The following CNTN4 variants were observed in gnomAD, a reference collection of about 807,000 sequenced individuals.
CNTN4 encodes contactin 4.
CNTN4 carries 77 observed loss-of-function variants against 122.5 expected under a neutral mutation model. The observed-to-expected ratio is 0.63, with a 90% CI of 0.52 to 0.76. The LOEUF (loss-of-function observed/expected upper bound fraction) is 0.76, where lower values mean the gene tolerates loss of function less well. CNTN4 is among the 30% of genes least tolerant of loss of function. The pLI, the probability that CNTN4 is intolerant of heterozygous loss-of-function variation, is 0.00. For synonymous variants in CNTN4, 512 were observed against 447.0 expected, an observed-to-expected ratio of 1.15 and a Z score of -1.83; for missense variants, 1,256 against 1,259.1, an observed-to-expected ratio of 1.00 and a Z score of 0.04.
At chr3:2,416,931 C>G (rs552517577) in intron 3 of CNTN4, among the ~76,000 whole-genome samples, 30 of 151,782 alleles carry the variant, frequency 2.0e-4, no homozygotes, top group African/African-American at 6.8e-4. Context: ...TGGGATTACA[C>G]GCGTGAGCCA....
intron 4 of CNTN4, among the ~76,000 whole-genome samples, chr3:2,718,501 T>C (rs911977113): frequency 6.6e-6 from 1 of 152,196 alleles, no homozygotes; most frequent in African/African-American, 2.4e-5. Context: ...TGATAAAGAA[T>C]GGTTGGTTTT....
At chr3:2,566,555 C>T (rs2079167682) in intron 3 of CNTN4, among the ~76,000 whole-genome samples, 1 of 152,150 alleles carries the variant, frequency 6.6e-6, no homozygotes, top group Non-Finnish European at 1.5e-5. Flanking sequence ...AAATGTCAAT[C>T]AAGAATACAA....
intron 6 of CNTN4, among the ~76,000 whole-genome samples, chr3:2,802,596 C>A (rs532349778): frequency 6.6e-5 from 10 of 152,264 alleles, no homozygotes; most frequent in African/African-American, 2.4e-4. Context: ...TGTCTTCAAA[C>A]AGAAACAAGT....
chr3:2,170,137 C>T (rs949919612), intron 2 of CNTN4, among the ~76,000 whole-genome samples: 14 of 151,354 alleles, frequency 9.2e-5, no homozygotes, highest in Non-Finnish European at 1.3e-4. Flanking sequence ...CTGGCTAACA[C>T]GGTGAAACCC....
rs184792558 is a variant in CNTN4 at position 2,192,173 on chromosome 3, A to G, written c.-145+91534A>G. 2.8e-3 allele frequency among the ~76,000 whole-genome samples: 427 copies of G among 152,274 alleles called. 1 individual carries two copies. Among genetic ancestry groups the G allele is most frequent in the Non-Finnish European group, 4.7e-3 (318 of 68,034 alleles). On this transcript the variant is annotated intron_variant, in intron 2 of 24. Coordinates refer to ENST00000418658, the MANE Select transcript of CNTN4 (RefSeq NM_175607.3). ...GTTCCAAGTCTTTGCTATTGTGAAT[A>G]GTGCCACAGTAAACATACGTGTGCA...
chr3:2,744,025 A>T (rs2089615915), intron 5 of CNTN4, among the ~76,000 whole-genome samples: 1 of 152,138 alleles, frequency 6.6e-6, no homozygotes, highest in African/African-American at 2.4e-5. Context: ...ATGTTGCCCA[A>T]GCTATTCTCA....
At chr3:2,499,522 TA>T (rs568497644) in intron 3 of CNTN4, among the ~76,000 whole-genome samples, 9 of 152,160 alleles carry the variant, frequency 5.9e-5, no homozygotes, top group Non-Finnish European at 1.3e-4. Flanking sequence ...ATAAAACTGT[TA>T]TTTTTTTAAA....
intron 3 of CNTN4, among the ~76,000 whole-genome samples, chr3:2,530,457 C>T (rs572094294): frequency 3.9e-4 from 59 of 151,834 alleles, no homozygotes; most frequent in Admixed American, 1.4e-3. Context: ...TACAGATGCG[C>T]GCCACCATGC....
rs560817998 is a variant in CNTN4 at position 2,955,487 on chromosome 3, T to A, written c.1358+29708T>A. 2.6e-5 allele frequency among the ~76,000 whole-genome samples: 4 copies of A among 152,276 alleles called. No homozygotes were observed. In the East Asian group the frequency reaches 7.7e-4, roughly 29 times the overall value. On this transcript the variant is annotated intron_variant, in intron 13 of 24. Transcript: ENST00000418658. ...AAATGGCTGCAGCAGCTCTAGACAT[T>A]AAATATTCAGATATTCAATTCCAGA...
At chr3:2,972,649 A>G (rs902097387) in intron 13 of CNTN4, among the ~76,000 whole-genome samples, 1 of 152,132 alleles carries the variant, frequency 6.6e-6, no homozygotes, top group African/African-American at 2.4e-5. Context: ...TAGTTATACA[A>G]AAGCCCCATT....
chr3:2,559,255 A>G (rs2149411518), intron 3 of CNTN4, among the ~76,000 whole-genome samples: 1 of 152,344 alleles, frequency 6.6e-6, no homozygotes, highest in Admixed American at 6.5e-5. Flanking sequence ...CTGATAATGA[A>G]GTACCCCACC....
chr3:2,869,754 C>T (rs2093764174), intron 8 of CNTN4, among the ~76,000 whole-genome samples: 1 of 152,136 alleles, frequency 6.6e-6, no homozygotes, highest in Non-Finnish European at 1.5e-5. Flanking sequence ...CAGCACGGTG[C>T]TTGCCACATG....
At chr3:2,635,669 C>T (rs1337650695) in intron 4 of CNTN4, among the ~76,000 whole-genome samples, 1 of 152,148 alleles carries the variant, frequency 6.6e-6, no homozygotes, top group Non-Finnish European at 1.5e-5. Context: ...CTTTTTCTGG[C>T]CATGTTCAGA....
intron 4 of CNTN4, among the ~76,000 whole-genome samples, chr3:2,705,183 A>G (rs1382800852): frequency 1.3e-5 from 2 of 151,182 alleles, no homozygotes; most frequent in Admixed American, 6.6e-5. Context: ...CCTGGCTAAC[A>G]TGGTGAAACC....
chr3:2,931,153 C>G (rs370720190), intron 13 of CNTN4, among the ~76,000 whole-genome samples: 3 of 152,196 alleles, frequency 2.0e-5, no homozygotes, highest in East Asian at 3.9e-4. Flanking sequence ...GAGGGCAATT[C>G]CAGGTAGCAG....
intron 12 of CNTN4, among the ~76,000 whole-genome samples, chr3:2,919,193 A>AAAAC (rs2094401505): frequency 6.6e-6 from 1 of 151,160 alleles, no homozygotes; most frequent in Non-Finnish European, 1.5e-5. Context: ...AAAATACAAA[A>AAAAC]AAAAAAAAAA....
chr3:2,867,853 G>A (rs562186618), intron 8 of CNTN4, among the ~76,000 whole-genome samples: 1 of 152,104 alleles, frequency 6.6e-6, no homozygotes, highest in South Asian at 2.1e-4. Context: ...CTAGCAATTT[G>A]CCTTTTTAAA....
intron 6 of CNTN4, among the ~76,000 whole-genome samples, chr3:2,817,596 G>A (rs1305761187): frequency 6.6e-6 from 1 of 152,152 alleles, no homozygotes; most frequent in Admixed American, 6.5e-5. Flanking sequence ...AAAAATCATT[G>A]CCCATATTTC....
At chr3:2,191,822 T>G (rs2037569772) in intron 2 of CNTN4, among the ~76,000 whole-genome samples, 1 of 152,134 alleles carries the variant, frequency 6.6e-6, no homozygotes, top group Admixed American at 6.6e-5. Flanking sequence ...GTTGGTGTGC[T>G]GCACCCATTA....
Sources: gnomAD v4.1 joint callset for allele counts (sites outside exome capture counted in the v4.1 genomes callset) on GRCh38, gnomAD v4.1.1 for gene constraint, MANE v1.5 for transcripts, NCBI Gene and HGNC (gene_info 2026-07-23, HGNC 2026-07-21) for gene names.